The following BTBD9 variants were observed in gnomAD, a reference collection of about 807,000 sequenced individuals.
The protein encoded by BTBD9 is BTB/POZ domain-containing protein 9.
BTBD9 carries 49 observed loss-of-function variants against 64.3 expected under a neutral mutation model. The ratio of observed to expected loss-of-function variants is 0.76; its 90% CI spans 0.61 to 0.97. BTBD9 has a LOEUF of 0.97. Ranked by LOEUF, BTBD9 falls within the 50% of genes least tolerant of loss-of-function variation. The pLI is 0.00. For synonymous variants in BTBD9, 260 were observed against 274.7 expected (o/e 0.95, Z 0.53); for missense variants, 598 against 762.1 (o/e 0.78, Z 2.53).
chr6:38,563,471 A>G (rs1318349210), intron 6 of BTBD9, among the ~76,000 whole-genome samples: 1 of 152,086 alleles, frequency 6.6e-6, no homozygotes, highest in East Asian at 1.9e-4. Flanking sequence ...CTTCGGCCCA[A>G]CTCAATCCAT....
At chr6:38,206,863 A>G (rs953999559) in intron 9 of BTBD9, among the ~76,000 whole-genome samples, 1 of 152,216 alleles carries the variant, frequency 6.6e-6, no homozygotes, top group Admixed American at 6.5e-5. Context: ...AAAGAAGTCT[A>G]AAAGAGATGA....
chr6:38,487,408 C>G (rs148721918), intron 6 of BTBD9, among the ~76,000 whole-genome samples: 1 of 152,112 alleles, frequency 6.6e-6, no homozygotes, highest in African/African-American at 2.4e-5. Context: ...TGGGGAAACC[C>G]CAGCTCTACA....
At position 38,639,796 on chromosome 6, in the gene BTBD9, T is replaced by G. The variant is rs554759460; in HGVS notation, c.-28+4A>C. The G allele has an allele frequency of 2.8e-4, 42 of 150,946 alleles. No homozygotes were observed. The highest frequency in any genetic ancestry group is 1.0e-3 in the African/African-American group (41 of 40,892). The allele number at this position is 150,946 out of a possible 1,614,324, so 9.4% of individuals were successfully genotyped here. ...ACCTCCCCTGCAAGGACCCGGCTAC[T>G]CACCCCAGCGATGCTCCTCTGAGAC... On this transcript the variant is annotated splice_donor_region_variant and intron_variant, in intron 1 of 10. Coordinates refer to ENST00000481247, the MANE Select transcript of BTBD9 (RefSeq NM_001099272.2).
intron 6 of BTBD9, among the ~76,000 whole-genome samples, chr6:38,575,560 A>G (rs1775985462): frequency 6.6e-6 from 1 of 152,210 alleles, no homozygotes; most frequent in Non-Finnish European, 1.5e-5. Flanking sequence ...ACAATGAATA[A>G]TTGTGAAGAT....
intron 6 of BTBD9, among the ~76,000 whole-genome samples, chr6:38,576,228 GTCCCTCTGT>G (rs1482447127): frequency 1.3e-5 from 2 of 152,070 alleles, no homozygotes; most frequent in African/African-American, 4.8e-5. Flanking sequence ...CTATGTGGGG[GTCCCTCTGT>G]CACTCTGGAA....
intron 7 of BTBD9, among the ~76,000 whole-genome samples, chr6:38,322,795 C>T (rs369457718): frequency 2.6e-5 from 4 of 152,286 alleles, no homozygotes; most frequent in East Asian, 1.9e-4. Flanking sequence ...TGATTTACTA[C>T]AAGAAATCCT....
chr6:38,333,564 A>G (rs1466418774), intron 7 of BTBD9, among the ~76,000 whole-genome samples: 1 of 152,180 alleles, frequency 6.6e-6, no homozygotes, highest in East Asian at 1.9e-4. Flanking sequence ...CAGTTCTCAC[A>G]AGATCTGGTT....
At chr6:38,514,422 A>AT (rs1772917541) in intron 6 of BTBD9, among the ~76,000 whole-genome samples, 1 of 152,062 alleles carries the variant, frequency 6.6e-6, no homozygotes, top group African/African-American at 2.4e-5. Context: ...TTTTACCTTT[A>AT]TTTTTTCAAG....
chr6:38,590,984 T>C (rs991785461), intron 4 of BTBD9, among the ~76,000 whole-genome samples: 13 of 152,212 alleles, frequency 8.5e-5, no homozygotes, highest in Admixed American at 2.0e-4. Context: ...TGGTTTGAGG[T>C]AGTATCAATT....
rs551950435 is a variant in BTBD9, at chr6:38,544,235, A to G, written c.1154+33365T>C. On this transcript the variant is annotated intron_variant, in intron 6 of 10. Transcript: ENST00000481247. The stretch of plus-strand genomic sequence containing the variant: ...GAGATGACTTTAAGTATACAGGAGG[A>G]TATGTGTAGGTTATGTGCAATTACT... Among the ~76,000 whole-genome samples the G allele has an allele frequency of 1.6e-3, 251 of 152,284 alleles. No homozygotes were observed. In the South Asian group the frequency reaches 0.027, roughly 16 times the overall value.
chr6:38,579,197 T>C (rs1169361215), intron 5 of BTBD9, among the ~76,000 whole-genome samples: 9 of 152,214 alleles, frequency 5.9e-5, no homozygotes, highest in African/African-American at 2.2e-4. Context: ...TGGGAAATGC[T>C]GACTCACACT....
intron 7 of BTBD9, among the ~76,000 whole-genome samples, chr6:38,298,988 G>T (rs1307222162): frequency 6.6e-6 from 1 of 151,740 alleles, no homozygotes; most frequent in African/African-American, 2.4e-5. Context: ...GTATACCTCC[G>T]AATGCTATCC....
At chr6:38,238,542 G>A (rs767499257) in intron 9 of BTBD9, among the ~76,000 whole-genome samples, 59 of 140,500 alleles carry the variant, frequency 4.2e-4, no homozygotes, top group Admixed American at 3.1e-3. Context: ...GCACGATCTC[G>A]GCTCACTGCA....
At chr6:38,188,947 G>T (rs896220723) in intron 10 of BTBD9, among the ~76,000 whole-genome samples, 1 of 152,120 alleles carries the variant, frequency 6.6e-6, no homozygotes, top group Admixed American at 6.5e-5. Flanking sequence ...CCTGACCTCA[G>T]ACTCCCAGCC....
chr6:38,314,631 G>A (rs551345696), intron 7 of BTBD9, among the ~76,000 whole-genome samples: 1 of 152,016 alleles, frequency 6.6e-6, no homozygotes, highest in Admixed American at 6.6e-5. Flanking sequence ...CTTTCTTTGG[G>A]AGACTTTTTA....
chr6:38,360,776 C>T (rs978439134), intron 6 of BTBD9, among the ~76,000 whole-genome samples: 1 of 152,026 alleles, frequency 6.6e-6, no homozygotes, highest in Admixed American at 6.6e-5. Flanking sequence ...GAAGTAAAGG[C>T]GGAACACAGG....
chr6:38,554,752 T>C (rs1490592650), intron 6 of BTBD9, among the ~76,000 whole-genome samples: 1 of 151,776 alleles, frequency 6.6e-6, no homozygotes, highest in Non-Finnish European at 1.5e-5. Context: ...AAAAAAAAAA[T>C]CCAAAAAGGA....
At chr6:38,360,362 T>C (rs1403132757) in intron 6 of BTBD9, among the ~76,000 whole-genome samples, 1 of 152,208 alleles carries the variant, frequency 6.6e-6, no homozygotes, top group Non-Finnish European at 1.5e-5. Context: ...ATAATTTATT[T>C]AGCATTTTTA....
At chr6:38,287,105 A>AAAT (rs1554135407) in intron 8 of BTBD9, among the ~76,000 whole-genome samples, 57 of 100,258 alleles carry the variant, frequency 5.7e-4, no homozygotes, top group African/African-American at 2.2e-3. Flanking sequence ...AAAAAAAAAA[A>AAAT]ATATACACAC....
Sources: allele counts gnomAD v4.1 joint callset (sites outside exome capture counted in the v4.1 genomes callset), GRCh38; gene constraint gnomAD v4.1.1; transcripts MANE v1.5; gene names NCBI Gene and HGNC (gene_info 2026-07-23, HGNC 2026-07-21).